The following ZNF521 variants were observed in gnomAD, a reference collection of about 807,000 sequenced individuals.
ZNF521 encodes zinc finger protein 521.
A neutral mutation model predicts 105.5 loss-of-function variants in ZNF521; 14 were observed. The observed-to-expected ratio is 0.13, with a 90% confidence interval of 0.09 to 0.21. The LOEUF (loss-of-function observed/expected upper bound fraction) is 0.21. ZNF521 is among the 10% of genes least tolerant of loss of function. ZNF521 has a pLI of 1.00. For synonymous variants in ZNF521, 635 were observed against 606.0 expected (o/e 1.05, Z -0.70); for missense variants, 1,233 against 1,629.7 (o/e 0.76, Z 4.19).
chr18:25,073,974 T>C (rs1293749656), intron 7 of ZNF521, among the ~76,000 whole-genome samples: 1 of 151,674 alleles, frequency 6.6e-6, no homozygotes, highest in African/African-American at 2.4e-5. Flanking sequence ...GAAAGGACAA[T>C]GTATTAATTT....
intron 3 of ZNF521, among the ~76,000 whole-genome samples, chr18:25,311,507 T>C (rs2033770314): frequency 6.6e-6 from 1 of 152,082 alleles, no homozygotes; most frequent in Non-Finnish European, 1.5e-5. Flanking sequence ...TAAACATTGG[T>C]GCTTACAAGA....
intron 3 of ZNF521, among the ~76,000 whole-genome samples, chr18:25,233,982 C>G (rs1435538373): frequency 6.6e-6 from 1 of 152,184 alleles, no homozygotes; most frequent in East Asian, 1.9e-4. Flanking sequence ...TCACACTTAA[C>G]TCCACCTCTC....
At chr18:25,281,006 A>G (rs145033129) in intron 3 of ZNF521, among the ~76,000 whole-genome samples, 94 of 152,224 alleles carry the variant, frequency 6.2e-4, no homozygotes, top group Admixed American at 5.7e-3. Context: ...AAGCAAATCA[A>G]TCCTTACACC....
At chr18:25,106,090 AT>A (rs2034067618) in intron 5 of ZNF521, among the ~76,000 whole-genome samples, 1 of 152,324 alleles carries the variant, frequency 6.6e-6, no homozygotes, top group Admixed American at 6.5e-5. Flanking sequence ...TGACTAATTC[AT>A]GAAGAAATAA....
At chr18:25,255,844 G>A (rs1908445204) in intron 3 of ZNF521, among the ~76,000 whole-genome samples, 1 of 151,778 alleles carries the variant, frequency 6.6e-6, no homozygotes, top group Non-Finnish European at 1.5e-5. Flanking sequence ...GCATGTCCAT[G>A]TTCACTGCAG....
chr18:25,140,785 A>G (rs2034832499), intron 5 of ZNF521, among the ~76,000 whole-genome samples: 1 of 152,166 alleles, frequency 6.6e-6, no homozygotes, highest in African/African-American at 2.4e-5. Context: ...AAGATTTTTT[A>G]GTGTAGAAAA....
At chr18:25,100,886 G>C (rs2033953267) in intron 5 of ZNF521, among the ~76,000 whole-genome samples, 2 of 152,128 alleles carry the variant, frequency 1.3e-5, no homozygotes, top group African/African-American at 4.8e-5. Context: ...AAGGCCACTA[G>C]TTTTATTTAG....
Position 25,349,867 on chromosome 18 carries a change from C to G in ZNF521, c.40+1040G>C, listed in dbSNP as rs1914643732. Among the ~76,000 whole-genome samples, 3 of 150,750 alleles carry G rather than the reference C, an allele frequency of 2.0e-5. No homozygotes were observed. The South Asian group carries it at 6.2e-4, about 31-fold the overall frequency. ...CGCGGCCGCCTCCAGCGCTGGCCCC[C>G]TGGCCCTCGCCCCGGTTCCCCGTCC... On this transcript the variant is annotated intron_variant, in intron 2 of 7. Transcript: ENST00000361524.
chr18:25,206,652 GT>G (rs1288380781), intron 4 of ZNF521, among the ~76,000 whole-genome samples: 1 of 151,526 alleles, frequency 6.6e-6, no homozygotes, highest in Non-Finnish European at 1.5e-5. Context: ...TTTAATGCAT[GT>G]CCCCCTTTCT....
chr18:25,116,919 C>A (rs4606810), intron 5 of ZNF521, among the ~76,000 whole-genome samples: 66,137 of 136,030 alleles, frequency 0.49, 15,884 homozygotes, highest in South Asian at 0.65. Flanking sequence ...ATACGTATAT[C>A]TATGTATATA....
chr18:25,303,893 T>C (rs1392064824), intron 3 of ZNF521, among the ~76,000 whole-genome samples: 1 of 152,248 alleles, frequency 6.6e-6, no homozygotes, highest in African/African-American at 2.4e-5. Context: ...AGAAATAGGT[T>C]GTTCAGGAAA....
chr18:25,269,345 C>T (rs1238054171), intron 3 of ZNF521, among the ~76,000 whole-genome samples: 2 of 152,158 alleles, frequency 1.3e-5, no homozygotes, highest in Non-Finnish European at 2.9e-5. Context: ...TAGTGGGAGA[C>T]TTTATTGACC....
intron 3 of ZNF521, among the ~76,000 whole-genome samples, chr18:25,316,216 G>A (rs548817986): frequency 6.6e-6 from 1 of 151,306 alleles, no homozygotes; most frequent in South Asian, 2.1e-4. Flanking sequence ...AAGGAAAGGG[G>A]AAAATATGGA....
intron 7 of ZNF521, among the ~76,000 whole-genome samples, chr18:25,085,227 G>GTATATA (rs201952893): frequency 3.4e-5 from 5 of 148,406 alleles, no homozygotes; most frequent in Non-Finnish European, 7.4e-5. Context: ...ATTTTTATGT[G>GTATATA]TATATATATA....
chr18:25,268,497 A>C (rs1255865193), intron 3 of ZNF521, among the ~76,000 whole-genome samples: 2 of 152,212 alleles, frequency 1.3e-5, no homozygotes, highest in Non-Finnish European at 2.9e-5. Flanking sequence ...CCAAGGTTGA[A>C]ATGAAGGAAA....
At chr18:25,124,639 G>T (rs939194635) in intron 5 of ZNF521, among the ~76,000 whole-genome samples, 2 of 151,778 alleles carry the variant, frequency 1.3e-5, no homozygotes, top group Non-Finnish European at 2.9e-5. Context: ...TTCTTGTGTT[G>T]TGCAAACTTT....
chr18:25,248,246 T>C (rs1391871816), intron 3 of ZNF521, among the ~76,000 whole-genome samples: 2 of 152,146 alleles, frequency 1.3e-5, no homozygotes, highest in Non-Finnish European at 2.9e-5. Flanking sequence ...GACATGTATG[T>C]CCCACAGACT....
chr18:25,244,889 A>G (rs1056672914), intron 3 of ZNF521, among the ~76,000 whole-genome samples: 7 of 152,138 alleles, frequency 4.6e-5, no homozygotes, highest in African/African-American at 1.4e-4. Context: ...CCAACCTTAT[A>G]TATTTAAATA....
chr18:25,220,810 A>G (rs1200821110), intron 4 of ZNF521, among the ~76,000 whole-genome samples: 1 of 152,196 alleles, frequency 6.6e-6, no homozygotes, highest in Non-Finnish European at 1.5e-5. Context: ...TCCAAAATCT[A>G]CTGTAGAACT....
Sources: allele counts gnomAD v4.1 joint callset (sites outside exome capture counted in the v4.1 genomes callset), GRCh38; gene constraint gnomAD v4.1.1; transcripts MANE v1.5; gene names NCBI Gene and HGNC (gene_info 2026-07-23, HGNC 2026-07-21).